The following PLCE1 variants were observed in gnomAD, a reference collection of about 807,000 sequenced individuals.
PLCE1 encodes 1-phosphatidylinositol 4,5-bisphosphate phosphodiesterase epsilon-1.
A neutral mutation model predicts 242.8 loss-of-function variants in PLCE1; 119 were observed. The observed-to-expected ratio is 0.49, with a 90% CI of 0.42 to 0.57. The LOEUF is 0.57. Among genes scored for constraint, PLCE1 ranks in the 20% least tolerant of loss-of-function variants. PLCE1 has a pLI of 0.00. For synonymous variants in PLCE1, 945 were observed against 1,017.4 expected (o/e 0.93, Z 1.35); for missense variants, 2,441 against 2,788.8 (o/e 0.88, Z 2.81).
chr10:94,217,567 CATTCA>C (rs916352523), intron 4 of PLCE1, among the ~76,000 whole-genome samples: 2 of 152,128 alleles, frequency 1.3e-5, no homozygotes, highest in African/African-American at 4.8e-5. Context: ...AGGAATGATC[CATTCA>C]ATTCAATTAA....
rs186035827 is a variant in PLCE1, at chr10:94,329,023, T to C, written c.*1080T>C. On this transcript the variant is annotated 3_prime_UTR_variant, in exon 33 of 33. Transcript: ENST00000371380. The stretch of plus-strand genomic sequence containing the variant: ...ACTGACACTATACTTATATATTTAT[T>C]ATACATCGCTCTCTTGATATTGCCA... The C allele has an allele frequency of 6.6e-4, 100 of 152,332 alleles. No homozygotes were observed. The highest frequency in any genetic ancestry group is 1.7e-3 in the Admixed American group (26 of 15,308). 9.4% of individuals were successfully genotyped at this position (152,332 alleles called of 1,614,324 possible).
intron 3 of PLCE1, among the ~76,000 whole-genome samples, chr10:94,142,785 C>T (rs2047009658): frequency 6.6e-6 from 1 of 152,214 alleles, no homozygotes; most frequent in African/African-American, 2.4e-5. Flanking sequence ...GCCTAGAGCA[C>T]TAGCAACTCC....
rs187311750 is a variant in PLCE1 at position 94,141,523 on chromosome 10, G to A, written c.1492+9064G>A. ...GAAGGCGAAGGGAAGGTGAAGGGAA[G>A]GCTAAGGGAAGGTGAAGGGAAGGCT... On this transcript the variant is annotated intron_variant, in intron 3 of 32. Coordinates refer to ENST00000371380, the MANE Select transcript of PLCE1 (RefSeq NM_016341.4). Among the ~76,000 whole-genome samples the A allele has an allele frequency of 1.2e-4, 6 of 48,222 alleles. No homozygotes were observed. In the East Asian group the frequency reaches 3.6e-3, roughly 29 times the overall value. The allele number at this position is 48,222 out of a possible 152,430, so 31.6% of individuals were successfully genotyped here.
intron 8 of PLCE1, among the ~76,000 whole-genome samples, chr10:94,247,199 G>T (rs2050715911): frequency 6.6e-6 from 1 of 151,696 alleles, no homozygotes; most frequent in Admixed American, 6.6e-5. Flanking sequence ...CTCATAGGTG[G>T]TCCTATTTGT....
Position 94,031,825 on chromosome 10 carries a change from A to G in PLCE1, c.779A>G (p.Asn260Ser), listed in dbSNP as rs769894431. 1 of 1,613,884 alleles carries G rather than the reference A, an allele frequency of 6.2e-7. No homozygotes were observed. The highest frequency in any genetic ancestry group is 1.1e-5 in the South Asian group (1 of 91,074). ...QLQCDHCDTLNDKYFCFEGSC... is the reference protein window; with the variant it reads ...QLQCDHCDTLSDKYFCFEGSC... ...CAGTGTGATCATTGTGACACCTTGAATGATAAATACTTTTGCTTTGAAGGC... is the reference window on the plus strand; with the variant it reads ...CAGTGTGATCATTGTGACACCTTGAGTGATAAATACTTTTGCTTTGAAGGC... Residue 260 changes from asparagine to serine, a missense_variant, in exon 2 of 33, where the codon AAT becomes AGT. Around this residue, in one of 5 missense-constraint regions of PLCE1, gnomAD observed 393 missense variants for 378.5 expected, o/e 1.04. Transcript: ENST00000371380.
At chr10:94,072,136 C>T (rs1329481110) in intron 2 of PLCE1, among the ~76,000 whole-genome samples, 1 of 152,176 alleles carries the variant, frequency 6.6e-6, no homozygotes, top group East Asian at 1.9e-4. Flanking sequence ...TGAAATGATA[C>T]TCCTTTAATG....
chr10:94,087,856 C>G (rs2044894206), intron 2 of PLCE1, among the ~76,000 whole-genome samples: 1 of 152,216 alleles, frequency 6.6e-6, no homozygotes, highest in African/African-American at 2.4e-5. Context: ...TTGATACTTA[C>G]CCCTACATTT....
At chr10:94,232,333 C>G (rs990851788) in intron 5 of PLCE1, among the ~76,000 whole-genome samples, 1 of 152,102 alleles carries the variant, frequency 6.6e-6, no homozygotes, top group East Asian at 1.9e-4. Context: ...TATCTTCTTC[C>G]CTTCCTTACG....
At chr10:94,199,863 C>T (rs2689707) in intron 4 of PLCE1, among the ~76,000 whole-genome samples, 41,636 of 152,140 alleles carry the variant, frequency 0.27, 7,117 homozygotes, top group Non-Finnish European at 0.39. Context: ...CAGGGTAAGG[C>T]GCTGAGGATG....
intron 19 of PLCE1, among the ~76,000 whole-genome samples, chr10:94,276,201 C>A (rs533014446): frequency 6.6e-6 from 1 of 152,172 alleles, no homozygotes; most frequent in African/African-American, 2.4e-5. Context: ...TTATTGCCCC[C>A]GTCTGGTGCT....
rs530969018 is a variant in PLCE1 at position 94,030,759 on chromosome 10, C to T, written c.-288C>T. 2.6e-4 allele frequency: 110 copies of T among 424,716 alleles called. No individual in the cohort carries two copies. The highest frequency in any genetic ancestry group is 7.3e-4 in the East Asian group (15 of 20,588). The allele number at this position is 424,716 out of a possible 1,614,324, so 26.3% of individuals were successfully genotyped here. Reference sequence around the variant, plus strand: ...GATCAGAAGTTGCAGAGTGCAATCCCGAGTAAAAGTCTTCAAAAAATTTTG... The same window carrying T: ...GATCAGAAGTTGCAGAGTGCAATCCTGAGTAAAAGTCTTCAAAAAATTTTG... On this transcript the variant is annotated 5_prime_UTR_variant, in exon 2 of 33. Transcript: ENST00000371380.
intron 16 of PLCE1, among the ~76,000 whole-genome samples, chr10:94,266,216 T>C (rs767791961): frequency 6.6e-6 from 1 of 152,220 alleles, no homozygotes; most frequent in Non-Finnish European, 1.5e-5. Flanking sequence ...TGTTTGAGAC[T>C]CATAGCTTTT....
intron 2 of PLCE1, among the ~76,000 whole-genome samples, chr10:94,038,005 C>T (rs79216131): frequency 0.011 from 1,679 of 151,986 alleles, 34 homozygotes; most frequent in African/African-American, 0.037. Context: ...GAAAATGGGC[C>T]GTGGTAGTAT....
Position 94,111,822 on chromosome 10 carries a change from A to C in PLCE1, c.1207-20352A>C, listed in dbSNP as rs574812569. Among the ~76,000 whole-genome samples the C allele has an allele frequency of 2.0e-5, 3 of 152,292 alleles. No individual in the cohort carries two copies. In the East Asian group the frequency reaches 5.8e-4, roughly 29 times the overall value. ...GGATTGGATATTATTTTGGCATTTT[A>C]TAGTGCTTGAATAATAAGTTTATTA... On this transcript the variant is annotated intron_variant, in intron 2 of 32. Transcript: ENST00000371380.
chr10:94,137,794 T>C (rs1213400925), intron 3 of PLCE1: 1 of 210,578 alleles, frequency 4.7e-6, no homozygotes, highest in African/African-American at 2.4e-5. Flanking sequence ...GTTACTACCA[T>C]GATGAGAATG....
At chr10:94,300,379 T>C (rs1351064291) in intron 24 of PLCE1, among the ~76,000 whole-genome samples, 1 of 152,190 alleles carries the variant, frequency 6.6e-6, no homozygotes, top group African/African-American at 2.4e-5. Flanking sequence ...GGATTGAGAG[T>C]ACGTCTTTAA....
rs1254034746 is a variant in PLCE1 at position 94,102,792 on chromosome 10, G to T, written c.1207-29382G>T. Among the ~76,000 whole-genome samples, 62 of 152,212 alleles carry T rather than the reference G, an allele frequency of 4.1e-4. 2 individuals carry two copies. The highest frequency in any genetic ancestry group is 4.1e-3 in the Admixed American group (62 of 15,276). ...ATGAGAAGCCCACCCATTCCCAGGG[G>T]CTATCCAGCAGGAAGACAGAATGGG... is the stretch of plus-strand genomic sequence containing the variant. On this transcript the variant is annotated intron_variant, in intron 2 of 32. Transcript: ENST00000371380.
At chr10:94,074,216 CAG>C (rs1001182155) in intron 2 of PLCE1, among the ~76,000 whole-genome samples, 2 of 133,246 alleles carry the variant, frequency 1.5e-5, no homozygotes, top group East Asian at 2.2e-4. Flanking sequence ...TTCTTGTAGA[CAG>C]AGTCTCCCTC....
At chr10:94,240,892 C>T (rs1400053882) in intron 7 of PLCE1, among the ~76,000 whole-genome samples, 2 of 152,138 alleles carry the variant, frequency 1.3e-5, no homozygotes, top group Non-Finnish European at 2.9e-5. Context: ...CTTTGATCTT[C>T]GGTTAACATT....
Sources: allele counts gnomAD v4.1 joint callset (sites outside exome capture counted in the v4.1 genomes callset), GRCh38; gene constraint gnomAD v4.1.1; regional missense constraint gnomAD v4.1.1; transcripts MANE v1.5; gene names NCBI Gene and HGNC (gene_info 2026-07-23, HGNC 2026-07-21).